The following NDFIP2 variants were observed in gnomAD, a reference collection of about 807,000 sequenced individuals.
NDFIP2 encodes NEDD4 family-interacting protein 2.
Under a neutral mutation model 36.0 loss-of-function variants are expected in NDFIP2, and 19 were observed. That is an observed-to-expected ratio of 0.53 (90% CI 0.37 to 0.77). The LOEUF (loss-of-function observed/expected upper bound fraction) is 0.77, where lower values mean the gene tolerates loss of function less well. Ranked by LOEUF, NDFIP2 falls within the 30% of genes least tolerant of loss-of-function variation. The pLI is 0.00. For missense variants in NDFIP2, 446 were observed against 435.8 expected (o/e 1.02, Z -0.21); for synonymous variants, 181 against 167.7 (o/e 1.08, Z -0.61).
Position 79,520,240 on chromosome 13 carries a change from G to T in NDFIP2, c.322-570G>T, listed in dbSNP as rs1488934946. 2.0e-5 allele frequency among the ~76,000 whole-genome samples: 3 copies of T among 152,074 alleles called. No homozygotes were observed. The South Asian group carries it at 6.2e-4, about 32-fold the overall frequency. ...CTAGATTCACACATTTTTTCAGGAG[G>T]CTCATAAGTAGGAAGAGATGGTAGT... On this transcript the variant is annotated intron_variant, in intron 1 of 7. Transcript: ENST00000218652.
At chr13:79,551,235 TA>T (rs893734165) in intron 7 of NDFIP2, 113 bp downstream of exon 7, 4 of 490,660 alleles carry the variant, frequency 8.2e-6, no homozygotes, top group East Asian at 6.6e-5. Flanking sequence ...GCATATTTAA[TA>T]TTTTTTAATA....
At chr13:79,482,188 T>G in intron 1 of NDFIP2, among the ~76,000 whole-genome samples, 1 of 146,316 alleles carries the variant, frequency 6.8e-6, no homozygotes, top group African/African-American at 2.5e-5. Context: ...TTTTTTTTTT[T>G]TTTTTTTGGT....
At chr13:79,512,538 A>C (rs1158699732) in intron 1 of NDFIP2, among the ~76,000 whole-genome samples, 2 of 152,190 alleles carry the variant, frequency 1.3e-5, no homozygotes, top group Non-Finnish European at 2.9e-5. Context: ...GTTCTAAGGC[A>C]ACTCTTAAGG....
In NDFIP2 at chr13:79,520,320, A is replaced by G. The variant is rs543892888; in HGVS notation, c.322-490A>G. 1.3e-4 allele frequency among the ~76,000 whole-genome samples: 20 copies of G among 152,264 alleles called. No individual in the cohort carries two copies. The South Asian group carries it at 3.5e-3, about 27-fold the overall frequency. On this transcript the variant is annotated intron_variant, in intron 1 of 7. Coordinates refer to ENST00000218652, the MANE Select transcript of NDFIP2 (RefSeq NM_019080.3). ...ATTTTTGCTTTTCTTTGTAGTATGT[A>G]ATAACTCTACTGTTACAATTGCATA...
Position 79,554,603 on chromosome 13 carries a change from G to T in NDFIP2, c.*2090G>T, listed in dbSNP as rs1239438679. 1 of 151,712 alleles carries T rather than the reference G, an allele frequency of 6.6e-6. No homozygotes were observed. The highest frequency in any genetic ancestry group is 2.4e-5 in the African/African-American group (1 of 41,368). 9.4% of individuals were successfully genotyped at this position (151,712 alleles called of 1,614,324 possible). ...CCTCTATAATTGGCATAATTCAATG[G>T]TAGCCTTAAATCTCATCATGTAAGC... is the stretch of plus-strand genomic sequence containing the variant. On this transcript the variant is annotated 3_prime_UTR_variant, in exon 8 of 8. Transcript: ENST00000218652.
intron 3 of NDFIP2, among the ~76,000 whole-genome samples, chr13:79,537,982 C>T (rs560944713): frequency 1.3e-5 from 2 of 149,610 alleles, no homozygotes; most frequent in African/African-American, 2.4e-5. Flanking sequence ...AGGAAACTTA[C>T]GATTGTGGCG....
At chr13:79,503,471 T>G (rs1873744555) in intron 1 of NDFIP2, among the ~76,000 whole-genome samples, 1 of 152,042 alleles carries the variant, frequency 6.6e-6, no homozygotes, top group African/African-American at 2.4e-5. Flanking sequence ...TAAAATCAGG[T>G]AGCAGGGAAT....
intron 3 of NDFIP2, among the ~76,000 whole-genome samples, chr13:79,539,459 C>CT (rs755794235): frequency 5.3e-5 from 8 of 151,962 alleles, no homozygotes; most frequent in Non-Finnish European, 1.0e-4. Flanking sequence ...CATCTTTTAT[C>CT]TTTTTTGTGT....
chr13:79,490,080 C>G (rs182364090), intron 1 of NDFIP2, among the ~76,000 whole-genome samples: 1 of 152,148 alleles, frequency 6.6e-6, no homozygotes, highest in African/African-American at 2.4e-5. Context: ...AGGCCACCCT[C>G]TGAATGTGCC....
At position 79,553,869 on chromosome 13, in the gene NDFIP2, A is replaced by T. The variant is rs1876002078; in HGVS notation, c.*1356A>T. ...GAATACCAACATTTAAAATGATGGT[A>T]TTTTATCTTTTAAACTTAAAAATTA... On this transcript the variant is annotated 3_prime_UTR_variant, in exon 8 of 8. Coordinates refer to ENST00000218652, the MANE Select transcript of NDFIP2 (RefSeq NM_019080.3). The T allele has an allele frequency of 6.6e-6, 1 of 152,010 alleles. No homozygotes were observed. Among genetic ancestry groups the T allele is most frequent in the African/African-American group, 2.4e-5 (1 of 41,392 alleles). The allele number at this position is 152,010 out of a possible 1,614,324, so 9.4% of individuals were successfully genotyped here. A position where few individuals can be genotyped will look rare whatever the true frequency, so the allele number is the denominator to read the frequency against.
At chr13:79,505,026 TG>T (rs1263989973) in intron 1 of NDFIP2, among the ~76,000 whole-genome samples, 2 of 152,226 alleles carry the variant, frequency 1.3e-5, no homozygotes, top group East Asian at 3.8e-4. Context: ...TTGGCATTTT[TG>T]TACTTTCTTG....
chr13:79,548,233 T>C, intron 5 of NDFIP2, 95 bp from the exon 6 acceptor site: 1 of 950,324 alleles, frequency 1.1e-6, no homozygotes, highest in Non-Finnish European at 1.6e-6. Flanking sequence ...GTGTTAAAGA[T>C]TATTTGAAGT....
rs1237158806 is a variant in NDFIP2 at position 79,555,808 on chromosome 13, A to G, written c.*3295A>G. 2.0e-5 allele frequency: 3 copies of G among 152,130 alleles called. No homozygotes were observed. The highest frequency in any genetic ancestry group is 2.0e-4 in the Admixed American group (3 of 15,260). 9.4% of individuals were successfully genotyped at this position (152,130 alleles called of 1,614,324 possible). A position where few individuals can be genotyped will look rare whatever the true frequency, so the allele number is the denominator to read the frequency against. On this transcript the variant is annotated 3_prime_UTR_variant, in exon 8 of 8. Transcript: ENST00000218652. ...TTGCCCATATATAAAACATGCTGGC[A>G]TGTATTTTACTTGTTAATAAAGTTG...
At chr13:79,487,237 C>A (rs1370553968) in intron 1 of NDFIP2, among the ~76,000 whole-genome samples, 1 of 151,900 alleles carries the variant, frequency 6.6e-6, no homozygotes, top group Admixed American at 6.6e-5. Context: ...GATTTTTTCA[C>A]TTCAAATTAC....
At chr13:79,517,883 G>C (rs17071549) in intron 1 of NDFIP2, among the ~76,000 whole-genome samples, 9,067 of 152,244 alleles carry the variant, frequency 0.06, 552 homozygotes, top group African/African-American at 0.15. Context: ...AACTGGAAGA[G>C]TGCTGTTTTG....
chr13:79,543,237 G>C lies in NDFIP2; in HGVS notation c.716-321G>C, dbSNP rs1282717568. 2.0e-5 allele frequency among the ~76,000 whole-genome samples: 3 copies of C among 152,164 alleles called. No individual in the cohort carries two copies. In the East Asian group the frequency reaches 5.8e-4, roughly 29 times the overall value. On this transcript the variant is annotated intron_variant, in intron 4 of 7. Coordinates refer to ENST00000218652, the MANE Select transcript of NDFIP2 (RefSeq NM_019080.3). Reference sequence around the variant, plus strand: ...TGATTGCTTAGGCTGGACTTCTTGGGTGGAACCACATGTGAGATACATTGT... The same window carrying C: ...TGATTGCTTAGGCTGGACTTCTTGGCTGGAACCACATGTGAGATACATTGT...
At chr13:79,532,772 G>A (rs1279093488) in intron 2 of NDFIP2, among the ~76,000 whole-genome samples, 2 of 152,068 alleles carry the variant, frequency 1.3e-5, no homozygotes, top group East Asian at 1.9e-4. Context: ...GTATGTTATC[G>A]GAGCAAAGTA....
intron 2 of NDFIP2, among the ~76,000 whole-genome samples, chr13:79,525,577 A>G (rs967555588): frequency 2.4e-4 from 36 of 152,318 alleles, no homozygotes; most frequent in Non-Finnish European, 2.8e-4. Flanking sequence ...AAGTACTGCA[A>G]TACTTCAGTT....
chr13:79,483,640 T>G lies in NDFIP2; in HGVS notation c.321+2116T>G, dbSNP rs570976256. On this transcript the variant is annotated intron_variant, in intron 1 of 7. Transcript: ENST00000218652. ...TATGCAATGTTAATTTTTCACTTAC[T>G]TAAAGAGTTTAAAAACAGCTTTTCA... Among the ~76,000 whole-genome samples the G allele has an allele frequency of 7.9e-5, 12 of 152,322 alleles. No homozygotes were observed. In the South Asian group the frequency reaches 1.4e-3, roughly 18 times the overall value.
Sources: allele counts gnomAD v4.1 joint callset (sites outside exome capture counted in the v4.1 genomes callset), GRCh38; gene constraint gnomAD v4.1.1; transcripts MANE v1.5; gene names NCBI Gene and HGNC (gene_info 2026-07-23, HGNC 2026-07-21).